The following MCU variants were observed in gnomAD, a reference collection of about 807,000 sequenced individuals.
MCU encodes the protein calcium uniporter protein, mitochondrial.
Under a neutral mutation model 45.2 loss-of-function variants are expected in MCU, and 12 were observed. The ratio of observed to expected loss-of-function variants is 0.27; its 90% CI spans 0.17 to 0.43. MCU has a LOEUF of 0.43. MCU is among the 20% of genes least tolerant of loss of function. The probability of loss-of-function intolerance (pLI) is 1.00; values close to 1 mark genes in which losing one functional copy is unlikely to be tolerated. For missense variants in MCU, 324 were observed against 436.7 expected (o/e 0.74, Z 2.30); for synonymous variants, 160 against 165.1 (o/e 0.97, Z 0.24).
intron 1 of MCU, chr10:72,692,923 G>A (rs1842642223): frequency 6.6e-7 from 1 of 1,516,670 alleles, no homozygotes; most frequent in Non-Finnish European, 8.8e-7. Context: ...CGAGATGGAT[G>A]CTGCATTGCT....
intron 1 of MCU, among the ~76,000 whole-genome samples, chr10:72,717,448 G>A (rs1262899773): frequency 1.3e-5 from 2 of 151,850 alleles, no homozygotes; most frequent in Non-Finnish European, 2.9e-5. Flanking sequence ...TAGTAGAGAC[G>A]GGCTTTCACC....
chr10:72,825,577 C>T (rs531170443), intron 1 of MCU, among the ~76,000 whole-genome samples: 2 of 152,278 alleles, frequency 1.3e-5, no homozygotes, highest in African/African-American at 4.8e-5. Context: ...TAATAGCAAC[C>T]ACCCACTTCC....
intron 1 of MCU, among the ~76,000 whole-genome samples, chr10:72,802,199 T>G (rs992591366): frequency 6.6e-5 from 10 of 152,282 alleles, no homozygotes; most frequent in Admixed American, 6.5e-4. Context: ...GGGGCAGGTT[T>G]GTAGTGTTCC....
Position 72,754,332 on chromosome 10 carries a change from C to T in MCU, c.150+62031C>T, listed in dbSNP as rs78900052. 7.3e-3 allele frequency among the ~76,000 whole-genome samples: 1,105 copies of T among 152,224 alleles called. 18 individuals carry two copies. The highest frequency in any genetic ancestry group is 0.026 in the African/African-American group (1,059 of 41,522). On this transcript the variant is annotated intron_variant, in intron 1 of 7. Coordinates refer to ENST00000373053, the MANE Select transcript of MCU (RefSeq NM_138357.3). The stretch of plus-strand genomic sequence containing the variant: ...ATTTCAATCCAGGTCTATTTGAGTC[C>T]GGAGCTTATATTCTGTTTAATAGCA...
At position 72,859,167 on chromosome 10, in the gene MCU, TTTCA is replaced by T. The variant is rs1418109143; in HGVS notation, c.221-5_221-2del. 6.4e-7 allele frequency: 1 copy of T among 1,564,532 alleles called. No homozygotes were observed. The highest frequency in any genetic ancestry group is 1.4e-5 in the African/African-American group (1 of 73,092). Reference sequence around the variant, plus strand: ...CAATTATCATATGTTTGTGGGTCTTTTTCATTCAGATGTTACAGTGGTTTATCAA... The same window carrying T: ...CAATTATCATATGTTTGTGGGTCTTTTTCAGATGTTACAGTGGTTTATCAA... On this transcript the variant is annotated splice_region_variant and splice_polypyrimidine_tract_variant and intron_variant, in intron 2 of 7. Coordinates refer to ENST00000373053, the MANE Select transcript of MCU (RefSeq NM_138357.3).
intron 1 of MCU, among the ~76,000 whole-genome samples, chr10:72,754,358 T>C (rs971834123): frequency 2.6e-5 from 4 of 152,364 alleles, no homozygotes; most frequent in African/African-American, 9.6e-5. Context: ...TTTAATAGCA[T>C]GCTGCCAATT....
intron 1 of MCU, among the ~76,000 whole-genome samples, chr10:72,826,432 TTTATG>T (rs1844799591): frequency 6.6e-6 from 1 of 152,216 alleles, no homozygotes; most frequent in Non-Finnish European, 1.5e-5. Context: ...TTTCCTAACT[TTTATG>T]GCACTTTAAG....
At chr10:72,716,836 G>A (rs1842960929) in intron 1 of MCU, among the ~76,000 whole-genome samples, 1 of 152,084 alleles carries the variant, frequency 6.6e-6, no homozygotes, top group African/African-American at 2.4e-5. Flanking sequence ...TCACGCCATT[G>A]TACTCCAGCC....
Position 72,887,437 on chromosome 10 carries a change from A to G in MCU, c.*1615A>G, listed in dbSNP as rs1423985522. ...CCCCCAGTCGTCAGCTCCTTCCCTC[A>G]TTTATTTTTGTTAAGTTGTGTGAAT... On this transcript the variant is annotated 3_prime_UTR_variant, in exon 8 of 8. Transcript: ENST00000373053. 1.3e-5 allele frequency: 2 copies of G among 152,512 alleles called. No homozygotes were observed. Among genetic ancestry groups the G allele is most frequent in the Non-Finnish European group, 2.9e-5 (2 of 68,018 alleles). The allele number at this position is 152,512 out of a possible 1,614,324, so 9.4% of individuals were successfully genotyped here.
intron 4 of MCU, among the ~76,000 whole-genome samples, chr10:72,867,854 CAA>C (rs777086421): frequency 3.7e-4 from 23 of 62,832 alleles, no homozygotes; most frequent in Admixed American, 1.1e-3. Flanking sequence ...GACTTTGTCT[CAA>C]AAAAAAAAAA....
At chr10:72,810,022 T>TTGTATG in intron 1 of MCU, among the ~76,000 whole-genome samples, 1 of 150,124 alleles carries the variant, frequency 6.7e-6, no homozygotes, top group East Asian at 1.9e-4. Flanking sequence ...GTGTGTGTGT[T>TTGTATG]TGTATGTGTG....
intron 1 of MCU, among the ~76,000 whole-genome samples, chr10:72,763,868 A>G (rs1843689063): frequency 6.6e-6 from 1 of 152,178 alleles, no homozygotes; most frequent in Non-Finnish European, 1.5e-5. Context: ...AAATACAGAA[A>G]GAAAGCTATG....
chr10:72,697,457 A>C lies in MCU; in HGVS notation c.150+5156A>C, dbSNP rs1589421117. On this transcript the variant is annotated intron_variant, in intron 1 of 7. Coordinates refer to ENST00000373053, the MANE Select transcript of MCU (RefSeq NM_138357.3). ...TTTTTTTTTTTTTTTTTTTTGAGAC[A>C]GATTCTCGCTCTGTTGCCCAGGCTG... is the stretch of plus-strand genomic sequence containing the variant. Among the ~76,000 whole-genome samples the C allele has an allele frequency of 4.1e-5, 3 of 73,654 alleles. No homozygotes were observed. The South Asian group carries it at 1.2e-3, about 30-fold the overall frequency. 48.3% of individuals were successfully genotyped at this position (73,654 alleles called of 152,430 possible).
At chr10:72,726,571 G>A (rs781102951) in intron 1 of MCU, among the ~76,000 whole-genome samples, 2 of 151,678 alleles carry the variant, frequency 1.3e-5, no homozygotes, top group Non-Finnish European at 2.9e-5. Flanking sequence ...ATACAGGTAC[G>A]TTTATGAGAT....
In MCU at chr10:72,811,282, A is replaced by T. The variant is rs1197862706; in HGVS notation, c.151-23077A>T. On this transcript the variant is annotated intron_variant, in intron 1 of 7. Coordinates refer to ENST00000373053, the MANE Select transcript of MCU (RefSeq NM_138357.3). ...AGAAAAAGGTTATTGATGTTAAAGGATAGTTGCATTCTAGACGCAATGAGC... is the reference window on the plus strand; with the variant it reads ...AGAAAAAGGTTATTGATGTTAAAGGTTAGTTGCATTCTAGACGCAATGAGC... Among the ~76,000 whole-genome samples, 3 of 152,218 alleles carry T rather than the reference A, an allele frequency of 2.0e-5. No individual in the cohort carries two copies. The East Asian group carries it at 5.8e-4, about 29-fold the overall frequency.
intron 1 of MCU, among the ~76,000 whole-genome samples, chr10:72,806,152 CTTTTTTT>C (rs774464297): frequency 8.3e-6 from 1 of 120,194 alleles, no homozygotes; most frequent in African/African-American, 3.2e-5. Flanking sequence ...CCATGAAGAG[CTTTTTTT>C]TTTTTTTTTT....
intron 1 of MCU, among the ~76,000 whole-genome samples, chr10:72,740,166 G>C (rs1843306870): frequency 6.6e-6 from 1 of 151,782 alleles, no homozygotes; most frequent in South Asian, 2.1e-4. Context: ...CGGATCACAA[G>C]GTCAGGAGAT....
intron 1 of MCU, among the ~76,000 whole-genome samples, chr10:72,799,112 A>G (rs947371542): frequency 6.6e-6 from 1 of 151,842 alleles, no homozygotes; most frequent in Non-Finnish European, 1.5e-5. Flanking sequence ...TTTTTAGTAG[A>G]GACGGGGTTT....
At chr10:72,727,997 C>T (rs1843123057) in intron 1 of MCU, among the ~76,000 whole-genome samples, 1 of 151,610 alleles carries the variant, frequency 6.6e-6, no homozygotes, top group Non-Finnish European at 1.5e-5. Context: ...GGAAAAATGC[C>T]CAAATTATAC....
Sources: gnomAD v4.1 joint callset for allele counts (sites outside exome capture counted in the v4.1 genomes callset) on GRCh38, gnomAD v4.1.1 for gene constraint, MANE v1.5 for transcripts, NCBI Gene and HGNC (gene_info 2026-07-23, HGNC 2026-07-21) for gene names.